Variants in ULK4 observed in about 807,000 individuals in gnomAD.
ULK4 encodes unc-51 like kinase 4, also known as inactive serine/threonine-protein kinase ULK4.
In ULK4, 133 loss-of-function variants were observed where a neutral mutation model predicts 160.6. That is an observed-to-expected ratio of 0.83 (90% confidence interval 0.72 to 0.96). ULK4 has a LOEUF of 0.96. ULK4 is among the 40% of genes least tolerant of loss of function. ULK4 has a pLI of 0.00. For missense variants in ULK4, 1,580 were observed against 1,499.5 expected, an observed-to-expected ratio of 1.05 and a Z score of -0.89; for synonymous variants, 534 against 539.8, an observed-to-expected ratio of 0.99 and a Z score of 0.15.
intron 31 of ULK4, among the ~76,000 whole-genome samples, chr3:41,574,531 CTTTTTTT>C (rs568406782): frequency 8.8e-4 from 81 of 92,154 alleles, no homozygotes; most frequent in African/African-American, 2.6e-3. Context: ...CCAGAGTCCT[CTTTTTTT>C]TTTTTTTTTT....
chr3:41,342,320 C>A (rs2080703423), intron 35 of ULK4, among the ~76,000 whole-genome samples: 1 of 152,170 alleles, frequency 6.6e-6, no homozygotes, highest in Non-Finnish European at 1.5e-5. Flanking sequence ...AACAGACTTG[C>A]ACTATAATCT....
At chr3:41,301,979 G>A (rs79520187) in intron 35 of ULK4, among the ~76,000 whole-genome samples, 3,193 of 152,256 alleles carry the variant, frequency 0.021, 73 homozygotes, top group African/African-American at 0.065. Context: ...TGAATGGTAA[G>A]AGTCAGAACA....
intron 32 of ULK4, among the ~76,000 whole-genome samples, chr3:41,487,283 T>C (rs933441572): frequency 2.0e-5 from 3 of 152,126 alleles, no homozygotes; most frequent in African/African-American, 7.2e-5. Flanking sequence ...AATTGGCATA[T>C]AATTAATATT....
chr3:41,703,687 A>G (rs1240855134), intron 27 of ULK4, among the ~76,000 whole-genome samples: 1 of 152,224 alleles, frequency 6.6e-6, no homozygotes. Context: ...AGCTATTAGC[A>G]AAATGAAACA....
chr3:41,611,605 CA>C (rs1406903504), intron 31 of ULK4, among the ~76,000 whole-genome samples: 1 of 152,106 alleles, frequency 6.6e-6, no homozygotes, highest in Non-Finnish European at 1.5e-5. Flanking sequence ...TCCACCCTTT[CA>C]ATCTTCTAGT....
At chr3:41,472,627 T>C (rs1375590796) in intron 32 of ULK4, among the ~76,000 whole-genome samples, 1 of 150,504 alleles carries the variant, frequency 6.6e-6, no homozygotes, top group Non-Finnish European at 1.5e-5. Flanking sequence ...GAATAAATAG[T>C]AAAAAGTCTT....
At chr3:41,697,673 A>G (rs1247190742) in intron 27 of ULK4, among the ~76,000 whole-genome samples, 3 of 152,080 alleles carry the variant, frequency 2.0e-5, no homozygotes, top group Admixed American at 1.3e-4. Flanking sequence ...GTAGGCATAG[A>G]GTCTCGCTAT....
intron 34 of ULK4, among the ~76,000 whole-genome samples, chr3:41,427,661 G>C (rs1346053646): frequency 6.6e-6 from 1 of 152,068 alleles, no homozygotes. Context: ...CAAAACTAAA[G>C]ACAAAAACCA....
At chr3:41,568,936 C>G (rs1367013619) in intron 31 of ULK4, among the ~76,000 whole-genome samples, 1 of 152,216 alleles carries the variant, frequency 6.6e-6, no homozygotes, top group African/African-American at 2.4e-5. Flanking sequence ...CTGGGTTTCC[C>G]ATGACTGCCT....
intron 17 of ULK4, among the ~76,000 whole-genome samples, chr3:41,848,028 C>T (rs993639423): frequency 3.9e-5 from 6 of 152,100 alleles, no homozygotes; most frequent in African/African-American, 1.4e-4. Context: ...ACATCTGCAC[C>T]AAAATCAAAG....
intron 17 of ULK4, among the ~76,000 whole-genome samples, chr3:41,864,519 A>G (rs1483938986): frequency 6.6e-6 from 1 of 152,138 alleles, no homozygotes; most frequent in African/African-American, 2.4e-5. Context: ...AGGAGGGATG[A>G]TAGGTGGAAT....
intron 35 of ULK4, among the ~76,000 whole-genome samples, chr3:41,368,149 G>A (rs1019603537): frequency 1.3e-5 from 2 of 151,626 alleles, no homozygotes; most frequent in African/African-American, 4.9e-5. Flanking sequence ...TGGGGTTAAC[G>A]CCATTCTCCT....
chr3:41,499,847 T>C (rs564388590), intron 32 of ULK4, among the ~76,000 whole-genome samples: 42 of 152,316 alleles, frequency 2.8e-4, no homozygotes, highest in Middle Eastern at 6.8e-3. Flanking sequence ...GTGTCTAGGT[T>C]TGAATGATGA....
intron 17 of ULK4, among the ~76,000 whole-genome samples, chr3:41,863,940 G>A (rs887708143): frequency 6.6e-6 from 1 of 151,940 alleles, no homozygotes; most frequent in African/African-American, 2.4e-5. Flanking sequence ...GCACTCCCCA[G>A]CTGCCCCAGC....
intron 17 of ULK4, among the ~76,000 whole-genome samples, chr3:41,839,027 A>G (rs76266275): frequency 0.013 from 1,937 of 152,296 alleles, 32 homozygotes; most frequent in African/African-American, 0.043. Context: ...CATAGTTCAT[A>G]ATAACACTTA....
At chr3:41,892,798 G>T (rs751347935) in intron 16 of ULK4, among the ~76,000 whole-genome samples, 18 of 152,086 alleles carry the variant, frequency 1.2e-4, no homozygotes, top group Non-Finnish European at 1.9e-4. Flanking sequence ...CATTACAATT[G>T]CCTAACCAAC....
intron 25 of ULK4, among the ~76,000 whole-genome samples, chr3:41,706,349 A>ATATATATATATT (rs2036876692): frequency 7.0e-6 from 1 of 143,146 alleles, no homozygotes; most frequent in Non-Finnish European, 1.5e-5. Flanking sequence ...AAACAAAATA[A>ATATATATATATT]TATATATATA....
Position 41,455,551 on chromosome 3 carries a change from G to T in ULK4, c.3438C>A (p.Asp1146Glu). The change falls in exon 34 of 37, where the codon GAC (aspartate) becomes GAA (glutamate). Residue 1146 changes from aspartate (D) to glutamate (E), a missense_variant. Coordinates refer to ENST00000301831, the MANE Select transcript of ULK4 (RefSeq NM_017886.4). ...GSGEDPQAAE[D>E]LLLLNRPLTD... is the part of the protein sequence containing the mutation. Reference sequence around the variant, plus strand: ...TCAGAGGTCTGTTGAGCAGCAGCAGGTCTTCTGCAGCCTGAGGGTCCTCTC... The same window carrying T: ...TCAGAGGTCTGTTGAGCAGCAGCAGTTCTTCTGCAGCCTGAGGGTCCTCTC... The T allele has an allele frequency of 6.2e-7, 1 of 1,614,030 alleles. No individual in the cohort carries two copies. Among genetic ancestry groups the T allele is most frequent in the Non-Finnish European group, 8.5e-7 (1 of 1,179,932 alleles).
At chr3:41,741,928 G>C (rs1287659580) in intron 22 of ULK4, among the ~76,000 whole-genome samples, 2 of 151,716 alleles carry the variant, frequency 1.3e-5, no homozygotes, top group East Asian at 3.9e-4. Context: ...ATTCCAAGAG[G>C]GTGCTAGACA....
Sources: allele counts gnomAD v4.1 joint callset (sites outside exome capture counted in the v4.1 genomes callset), GRCh38; gene constraint gnomAD v4.1.1; transcripts MANE v1.5; gene names NCBI Gene and HGNC (gene_info 2026-07-23, HGNC 2026-07-21).